HSF4: variants seen among roughly 807,000 people sequenced by gnomAD.
The protein encoded by HSF4 is heat shock factor protein 4.
A neutral mutation model predicts 52.0 loss-of-function variants in HSF4; 41 were observed. That is an observed-to-expected ratio of 0.79 (90% CI 0.61 to 1.02). The LOEUF (loss-of-function observed/expected upper bound fraction) is 1.02, where lower values mean the gene tolerates loss of function less well. Ranked by LOEUF, HSF4 falls within the 50% of genes least tolerant of loss-of-function variation. The pLI, the probability that HSF4 is intolerant of heterozygous loss-of-function variation, is 0.00. For missense variants in HSF4, 610 were observed against 651.1 expected, an observed-to-expected ratio of 0.94 and a Z score of 0.69; for synonymous variants, 285 against 273.0, an observed-to-expected ratio of 1.04 and a Z score of -0.43.
chr16:67,167,965 T>C lies in HSF4; in HGVS notation c.1082+18T>C. On this transcript the variant is annotated intron_variant, in intron 9 of 12. Transcript: ENST00000521374. The stretch of plus-strand genomic sequence containing the variant: ...CCTGACAGGTGAGCAGAGCCCCAGC[T>C]GGCCCATGAGCCCTGTGATAGAACA... 1 of 1,558,996 alleles carries C rather than the reference T, an allele frequency of 6.4e-7. No individual in the cohort carries two copies. The highest frequency in any genetic ancestry group is 8.7e-7 in the Non-Finnish European group (1 of 1,155,830).
upstream of HSF4, chr16:67,164,128 C>A: frequency 1.5e-6 from 1 of 660,306 alleles, no homozygotes; most frequent in Non-Finnish European, 2.8e-6. Context: ...GGCACGGGCG[C>A]GGGCCGGGCC....
intron 4 of HSF4, 45 bp from the exon 5 acceptor site, chr16:67,166,275 G>A (rs1182113266): frequency 1.9e-6 from 3 of 1,567,022 alleles, no homozygotes; most frequent in African/African-American, 1.4e-5. Context: ...GGTGGTGACT[G>A]GGCGAACTCT....
chr16:67,166,514 G>A, intron 5 of HSF4, 44 bp from the exon 6 acceptor site: 2 of 1,609,204 alleles, frequency 1.2e-6, no homozygotes, highest in Non-Finnish European at 1.7e-6. Flanking sequence ...GGGGGTGGGG[G>A]GGCTGTGTCC....
Position 67,168,831 on chromosome 16 carries a change from G to A in HSF4, c.1083G>A (p.Arg361=). ...GCCAAAAGCAGTTCTGTCTGCACAG[G>A]GGGCCTCTGGGCCTGGAAAGCGGGG... The part of the protein sequence containing the change: ...EPGDPREIPD[R]GPLGLESGDR... The change falls in exon 10 of 13, where the codon AGG becomes AGA. Residue 361 remains arginine (R), a splice_region_variant and synonymous_variant. Transcript: ENST00000521374. The A allele has an allele frequency of 6.2e-7, 1 of 1,613,106 alleles. No individual in the cohort carries two copies. Among genetic ancestry groups the A allele is most frequent in the Non-Finnish European group, 8.5e-7 (1 of 1,179,548 alleles).
At chr16:67,163,983 C>T, upstream of HSF4, 2 of 1,035,652 alleles carry the variant, frequency 1.9e-6, no homozygotes, top group Non-Finnish European at 2.9e-6. Context: ...CAGTCCTGGG[C>T]GCCCTGAGAC....
chr16:67,166,540 C>T lies in HSF4; in HGVS notation c.562-18C>T. ...GGCTGTGTCCAAAGTATGAATTAAA[C>T]CTTTGCTTTCTCTTCAGCTGATCCA... is the stretch of plus-strand genomic sequence containing the variant. On this transcript the variant is annotated intron_variant, in intron 5 of 12. Coordinates refer to ENST00000521374, the MANE Select transcript of HSF4 (RefSeq NM_001374675.1). 1 of 1,613,778 alleles carries T rather than the reference C, an allele frequency of 6.2e-7. No individual in the cohort carries two copies. Among genetic ancestry groups the T allele is most frequent in the Non-Finnish European group, 8.5e-7 (1 of 1,179,790 alleles).
chr16:67,165,633 G>T lies in HSF4; in HGVS notation c.232+3G>T, dbSNP rs1372791538. 1.2e-6 allele frequency: 2 copies of T among 1,612,790 alleles called. No individual in the cohort carries two copies. The highest frequency in any genetic ancestry group is 1.7e-6 in the Non-Finnish European group (2 of 1,179,890). On this transcript the variant is annotated splice_donor_region_variant and intron_variant, in intron 2 of 12. Transcript: ENST00000521374. This position sits in a 1 kb window ranked among gnomAD's most constrained non-coding sequence, Gnocchi z 6.9. ...CTTCGTGCGCCAACTCAACATGTGT[G>T]AGTCCCTACGGCCGGGCGGGGAGCG...
At position 67,168,778 on chromosome 16, in the gene HSF4, G is replaced by A. The variant is rs2031503767; in HGVS notation, c.1083-53G>A. The A allele has an allele frequency of 5.8e-6, 8 of 1,374,328 alleles. No individual in the cohort carries two copies. The Admixed American group carries it at 6.7e-5, about 12-fold the overall frequency. The allele number at this position is 1,374,328 out of a possible 1,614,324, so 85.1% of individuals were successfully genotyped here. A position where few individuals can be genotyped will look rare whatever the true frequency, so the allele number is the denominator to read the frequency against. The stretch of plus-strand genomic sequence containing the variant: ...AATCTTGATGCATCTGGGTTCCTTG[G>A]GAACTTAATGCGGGGTGGACACTGC... On this transcript the variant is annotated intron_variant, in intron 9 of 12. Transcript: ENST00000521374.
chr16:67,166,499 A>G (rs2031307654), intron 5 of HSF4, 59 bp from the exon 6 acceptor site: 1 of 1,599,858 alleles, frequency 6.3e-7, no homozygotes, highest in Admixed American at 1.7e-5. Flanking sequence ...CTCACCTGGA[A>G]GTGCGGGGGT....
chr16:67,164,509 G>T (rs1349004151), upstream of HSF4: 1 of 613,474 alleles, frequency 1.6e-6, no homozygotes, highest in South Asian at 1.5e-5. Flanking sequence ...GAAATAGAGG[G>T]ACCGAGAGGG....
Position 67,169,616 on chromosome 16 carries a change from T to G in HSF4, c.1325-15T>G. 6.2e-7 allele frequency: 1 copy of G among 1,604,656 alleles called. No homozygotes were observed. Among genetic ancestry groups the G allele is most frequent in the Non-Finnish European group, 8.5e-7 (1 of 1,179,914 alleles). On this transcript the variant is annotated splice_polypyrimidine_tract_variant and intron_variant, in intron 12 of 12. Coordinates refer to ENST00000521374, the MANE Select transcript of HSF4 (RefSeq NM_001374675.1). The surrounding 1 kb of genome is among the most constrained non-coding windows in gnomAD (Gnocchi z 4.3). ...GGAACATTTCCCCTGGTGAGCGCAG[T>G]CCCACTTCTCCTAGGGAAGGACCCC...
chr16:67,165,274 T>C lies in HSF4; in HGVS notation c.124-248T>C. 1.7e-6 allele frequency: 1 copy of C among 597,856 alleles called. No individual in the cohort carries two copies. The highest frequency in any genetic ancestry group is 2.8e-5 in the East Asian group (1 of 36,054). The allele number at this position is 597,856 out of a possible 1,614,324, so 37.0% of individuals were successfully genotyped here. On this transcript the variant is annotated intron_variant, in intron 1 of 12. Transcript: ENST00000521374. The surrounding 1 kb of genome is among the most constrained non-coding windows in gnomAD (Gnocchi z 6.9). ...TGCGGGGCTGGGAACCCCGTCAGCC[T>C]CTCCTTTCTGAGAACTGAGTATGGA...
chr16:67,167,366 C>G (rs2031381509), intron 7 of HSF4, 109 bp from the exon 8 acceptor site: 2 of 1,610,884 alleles, frequency 1.2e-6, no homozygotes, highest in East Asian at 4.5e-5. Context: ...TGGACTGAGC[C>G]TCCTCCCTCA....
At chr16:67,168,691 GGTT>G in intron 9 of HSF4, 137 bp from the exon 10 acceptor site, 3 of 693,270 alleles carry the variant, frequency 4.3e-6, no homozygotes, top group Non-Finnish European at 7.6e-6. Context: ...GGAGTGGGGA[GGTT>G]GGGGGTGGAG....
upstream of HSF4, chr16:67,164,320 T>G: frequency 2.6e-6 from 1 of 387,476 alleles, no homozygotes; most frequent in Non-Finnish European, 5.1e-6. Flanking sequence ...GTCGGGGCAC[T>G]CACACCCTTG....
chr16:67,166,268 G>A, intron 4 of HSF4, 52 bp from the exon 5 acceptor site: 1 of 1,542,898 alleles, frequency 6.5e-7, no homozygotes, highest in Non-Finnish European at 8.9e-7. Context: ...TGTGGGGGGT[G>A]GTGACTGGGC....
chr16:67,164,811 C>A lies in HSF4; in HGVS notation c.-1C>A. On this transcript the variant is annotated 5_prime_UTR_variant, in exon 1 of 13. Transcript: ENST00000521374. ...GCGCAGAGCCGGGCCGAGACTGCAC[C>A]ATGCAGGAAGCGCCAGCTGCGCTGC... 1 of 1,598,568 alleles carries A rather than the reference C, an allele frequency of 6.3e-7. No homozygotes were observed. Among genetic ancestry groups the A allele is most frequent in the African/African-American group, 1.3e-5 (1 of 74,884 alleles).
chr16:67,169,644 G>A lies in HSF4; in HGVS notation c.1338G>A (p.Thr446=). The stretch of plus-strand genomic sequence containing the variant: ...CACTTCTCCTAGGGAAGGACCCCAC[G>A]CTCGGGGCCCCACTCCTGCTGGATG... ...LNSPSPGKDP[T]LGAPLLLDVQ... is the part of the protein sequence containing the mutation. Residue 446 remains threonine, a synonymous_variant, in exon 13 of 13, where the codon ACG becomes ACA. Coordinates refer to ENST00000521374, the MANE Select transcript of HSF4 (RefSeq NM_001374675.1). The surrounding 1 kb of genome is among the most constrained non-coding windows in gnomAD (Gnocchi z 4.3). 6 of 1,608,992 alleles carry A rather than the reference G, an allele frequency of 3.7e-6. No individual in the cohort carries two copies. The highest frequency in any genetic ancestry group is 4.5e-5 in the East Asian group (2 of 44,882).
intron 4 of HSF4, 73 bp from the exon 5 acceptor site, chr16:67,166,247 C>G: frequency 6.8e-7 from 1 of 1,476,418 alleles, no homozygotes; most frequent in Non-Finnish European, 9.3e-7. Flanking sequence ...GGGTCCCCAG[C>G]CTCGCCATTC....
Sources: gnomAD v4.1 joint callset for allele counts on GRCh38, gnomAD v4.1.1 for gene constraint, Gnocchi (gnomAD v3.1) non-coding constraint, MANE v1.5 for transcripts, NCBI Gene and HGNC (gene_info 2026-07-23, HGNC 2026-07-21) for gene names.